Variants in SCAMP2 observed in about 807,000 individuals in gnomAD.
The protein encoded by SCAMP2 is secretory carrier-associated membrane protein 2.
A neutral mutation model predicts 44.1 loss-of-function variants in SCAMP2; 25 were observed. The observed-to-expected ratio is 0.57, with a 90% CI of 0.41 to 0.79. The LOEUF is 0.79. Among genes scored for constraint, SCAMP2 ranks in the 30% least tolerant of loss-of-function variants. The probability of loss-of-function intolerance (pLI) is 0.00; values close to 1 mark genes in which losing one functional copy is unlikely to be tolerated. For synonymous variants in SCAMP2, 156 were observed against 166.0 expected (o/e 0.94, Z 0.46); for missense variants, 355 against 411.0 (o/e 0.86, Z 1.18).
At position 74,851,508 on chromosome 15, in the gene SCAMP2, G is replaced by T. The variant is rs754220749; in HGVS notation, c.344-27C>A. The T allele has an allele frequency of 5.0e-6, 8 of 1,612,154 alleles. No homozygotes were observed. In the East Asian group the frequency reaches 1.1e-4, roughly 22 times the overall value. On this transcript the variant is annotated intron_variant, in intron 4 of 8. Transcript: ENST00000268099. ...TGGGTAGGGCAAAAAGAGTGACGAG[G>T]TAAGGGCCCAGCCTCAGAAGGGGCA...
chr15:74,848,776 C>T (rs2064415620), intron 6 of SCAMP2, 75 bp from the exon 7 acceptor site: 1 of 1,070,966 alleles, frequency 9.3e-7, no homozygotes, highest in Non-Finnish European at 1.4e-6. Flanking sequence ...GGTGTGACAT[C>T]CCTCCTCACT....
At chr15:74,850,363 T>G in intron 6 of SCAMP2, 151 bp downstream of exon 6, 1 of 782,560 alleles carries the variant, frequency 1.3e-6, no homozygotes, top group Admixed American at 2.4e-5. Flanking sequence ...CTGCTCTGGG[T>G]GGGAACAGAG....
intron 1 of SCAMP2, among the ~76,000 whole-genome samples, chr15:74,862,857 C>T (rs1596422057): frequency 4.4e-5 from 2 of 45,440 alleles, no homozygotes; most frequent in African/African-American, 1.1e-4. Flanking sequence ...AAACCATACA[C>T]ACACACACAC....
chr15:74,873,286 G>T lies in SCAMP2; in HGVS notation c.-31C>A. ...TCGGGGGCCAGCGGGCGAACTCCGCGAACGCTGCTGCCTCCGGGCACCCAG... is the reference window on the plus strand; with the variant it reads ...TCGGGGGCCAGCGGGCGAACTCCGCTAACGCTGCTGCCTCCGGGCACCCAG... On this transcript the variant is annotated 5_prime_UTR_variant, in exon 1 of 9. Transcript: ENST00000268099. 6.8e-7 allele frequency: 1 copy of T among 1,476,312 alleles called. No homozygotes were observed. The highest frequency in any genetic ancestry group is 8.9e-7 in the Non-Finnish European group (1 of 1,117,916). 91.5% of individuals were successfully genotyped at this position (1,476,312 alleles called of 1,614,324 possible).
At chr15:74,869,015 G>A (rs1396136241) in intron 1 of SCAMP2, among the ~76,000 whole-genome samples, 1 of 152,096 alleles carries the variant, frequency 6.6e-6, no homozygotes, top group East Asian at 1.9e-4. Context: ...AATTCTGAGC[G>A]TGGTGGTGGG....
At chr15:74,855,641 G>C (rs911382600) in intron 1 of SCAMP2, among the ~76,000 whole-genome samples, 1 of 150,082 alleles carries the variant, frequency 6.7e-6, no homozygotes, top group African/African-American at 2.5e-5. Context: ...ACTTGAACCC[G>C]GGAGGCAGAG....
intron 7 of SCAMP2, among the ~76,000 whole-genome samples, chr15:74,847,167 C>T (rs558659171): frequency 9.9e-4 from 147 of 147,834 alleles, no homozygotes; most frequent in African/African-American, 3.5e-3. Context: ...TCCCGGCTCA[C>T]TGCAACCTCC....
At chr15:74,862,850 C>CCATACACACA (rs1169685121) in intron 1 of SCAMP2, among the ~76,000 whole-genome samples, 132 of 34,242 alleles carry the variant, frequency 3.9e-3, no homozygotes, top group South Asian at 0.01. Context: ...AAAAAACAAA[C>CCATACACACA]CATACACACA....
At chr15:74,846,939 C>G (rs80023218) in intron 7 of SCAMP2, among the ~76,000 whole-genome samples, 11,112 of 152,064 alleles carry the variant, frequency 0.073, 602 homozygotes, top group East Asian at 0.29. Context: ...AAAGGGATAT[C>G]CTCATATTTC....
chr15:74,853,342 C>T (rs1336725745), intron 3 of SCAMP2: 1 of 450,844 alleles, frequency 2.2e-6, no homozygotes, highest in South Asian at 1.6e-5. Context: ...CCTGCCCTTC[C>T]TCCTGCTCAT....
intron 1 of SCAMP2, 90 bp downstream of exon 1, chr15:74,873,109 G>T (rs1393251389): frequency 2.6e-6 from 3 of 1,173,764 alleles, no homozygotes; most frequent in African/African-American, 3.3e-5. Context: ...TCCCTCCTAC[G>T]CCACGTCTCC....
At chr15:74,871,258 A>T (rs750442638) in intron 1 of SCAMP2, among the ~76,000 whole-genome samples, 2 of 152,158 alleles carry the variant, frequency 1.3e-5, no homozygotes, top group Non-Finnish European at 2.9e-5. Flanking sequence ...TTTCGAGACC[A>T]GCTTGGGCAT....
Position 74,844,110 on chromosome 15 carries a change from C to T in SCAMP2, c.*973G>A, listed in dbSNP as rs2064363305. 1 of 150,442 alleles carries T rather than the reference C, an allele frequency of 6.6e-6. No individual in the cohort carries two copies. The highest frequency in any genetic ancestry group is 2.4e-5 in the African/African-American group (1 of 40,948). 9.3% of individuals were successfully genotyped at this position (150,442 alleles called of 1,614,324 possible). A position where few individuals can be genotyped will look rare whatever the true frequency, so the allele number is the denominator to read the frequency against. On this transcript the variant is annotated 3_prime_UTR_variant, in exon 9 of 9. Coordinates refer to ENST00000268099, the MANE Select transcript of SCAMP2 (RefSeq NM_005697.5). ...CGGTTCTGGACTGGCTGGCCCTGCCCTTCCTGAAAGTCTGGATGCTGCTGA... is the reference window on the plus strand; with the variant it reads ...CGGTTCTGGACTGGCTGGCCCTGCCTTTCCTGAAAGTCTGGATGCTGCTGA...
rs76386049 is a variant in SCAMP2, at chr15:74,868,359, C to G, written c.57+4840G>C. Among the ~76,000 whole-genome samples, 1,176 of 152,230 alleles carry G rather than the reference C, an allele frequency of 7.7e-3. 15 individuals carry two copies. Among genetic ancestry groups the G allele is most frequent in the African/African-American group, 0.026 (1,098 of 41,538 alleles). On this transcript the variant is annotated intron_variant, in intron 1 of 8. Transcript: ENST00000268099. ...GTGGAAGCAGGCACTTAATAAAGAA[C>G]CTTGGATGAGGAAGTCAACTAAATG...
At position 74,851,386 on chromosome 15, in the gene SCAMP2, G is replaced by A. The variant is rs770475045; in HGVS notation, c.439C>T (p.Arg147Trp). The A allele has an allele frequency of 1.7e-5, 28 of 1,613,944 alleles. No individual in the cohort carries two copies. Among genetic ancestry groups the A allele is most frequent in the South Asian group, 1.1e-4 (10 of 91,074 alleles). Residue 147 changes from arginine (R) to tryptophan (W), a missense_variant, in exon 5 of 9, where the codon CGG (arginine) becomes TGG (tryptophan). By Grantham distance (101) the Arg-to-Trp change is moderately radical. Coordinates refer to ENST00000268099, the MANE Select transcript of SCAMP2 (RefSeq NM_005697.5). ...AGATAGTAGAGCATCTTGCATATCC[G>A]CTGGTAGTCGGCAGGGATCTCTGTG... ...FSTEIPADYQRICKMLYYLWM... is the reference protein window; with the variant it reads ...FSTEIPADYQWICKMLYYLWM...
intron 1 of SCAMP2, among the ~76,000 whole-genome samples, chr15:74,861,233 A>G (rs924092298): frequency 1.3e-5 from 2 of 152,182 alleles, no homozygotes. Context: ...TCATGCTGAG[A>G]GGCAGAGAGT....
chr15:74,858,848 T>C (rs2064484098), intron 1 of SCAMP2, among the ~76,000 whole-genome samples: 1 of 146,386 alleles, frequency 6.8e-6, no homozygotes, highest in Non-Finnish European at 1.5e-5. Flanking sequence ...AGTCTTGCTC[T>C]GTTACCCAGG....
At chr15:74,852,832 TATCTC>T (rs1289096464) in intron 3 of SCAMP2, 1 of 153,124 alleles carries the variant, frequency 6.5e-6, no homozygotes, top group Non-Finnish European at 1.5e-5. Flanking sequence ...AGTCCACACT[TATCTC>T]CTCTCCAGGC....
At chr15:74,865,778 A>T (rs2064538039) in intron 1 of SCAMP2, among the ~76,000 whole-genome samples, 1 of 61,918 alleles carries the variant, frequency 1.6e-5, no homozygotes, top group African/African-American at 6.5e-5. Context: ...GTGAGACCTC[A>T]TTTCTCCAAA....
Sources: gnomAD v4.1 joint callset for allele counts (sites outside exome capture counted in the v4.1 genomes callset) on GRCh38, gnomAD v4.1.1 for gene constraint, MANE v1.5 for transcripts, NCBI Gene and HGNC (gene_info 2026-07-23, HGNC 2026-07-21) for gene names.